The following CDKAL1 variants were observed in gnomAD, a reference collection of about 807,000 sequenced individuals.
CDKAL1 encodes the protein CDKAL1 threonylcarbamoyladenosine tRNA methylthiotransferase.
A neutral mutation model predicts 68.2 loss-of-function variants in CDKAL1; 32 were observed. The observed-to-expected ratio is 0.47, with a 90% CI of 0.35 to 0.63. The LOEUF (loss-of-function observed/expected upper bound fraction) is 0.63. Ranked by LOEUF, CDKAL1 falls within the 30% of genes least tolerant of loss-of-function variation. The pLI, the probability that CDKAL1 is intolerant of heterozygous loss-of-function variation, is 0.00. For missense variants in CDKAL1, 606 were observed against 696.7 expected (o/e 0.87, Z 1.47); for synonymous variants, 234 against 244.3 (o/e 0.96, Z 0.39).
In CDKAL1 at chr6:20,539,113, C is replaced by A. The variant is rs1387668563; in HGVS notation, c.-6+3719C>A. On this transcript the variant is annotated intron_variant, in intron 2 of 15. Transcript: ENST00000274695. This position sits in a 1 kb window ranked among gnomAD's most constrained non-coding sequence, Gnocchi z 4.3. ...TTAGATAAGGTAGTAGGAAAGGCCTCTCCGAGGAGATGTTGTTTGAGTGAA... is the reference window on the plus strand; with the variant it reads ...TTAGATAAGGTAGTAGGAAAGGCCTATCCGAGGAGATGTTGTTTGAGTGAA... Among the ~76,000 whole-genome samples, 1 of 152,162 alleles carries A rather than the reference C, an allele frequency of 6.6e-6. No homozygotes were observed. Among genetic ancestry groups the A allele is most frequent in the East Asian group, 1.9e-4 (1 of 5,202 alleles).
intron 5 of CDKAL1, among the ~76,000 whole-genome samples, 191 bp from the exon 6 acceptor site, chr6:20,739,328 C>A (rs917958658): frequency 6.6e-6 from 1 of 152,082 alleles, no homozygotes; most frequent in Non-Finnish European, 1.5e-5. Context: ...CTGTTGTGTT[C>A]TTTAATGCTG....
At chr6:21,115,643 G>A (rs1774367230) in intron 13 of CDKAL1, among the ~76,000 whole-genome samples, 1 of 152,282 alleles carries the variant, frequency 6.6e-6, no homozygotes, top group African/African-American at 2.4e-5. Context: ...TAAATATCAG[G>A]AACAATTGAA....
At chr6:20,762,798 C>T (rs916088961) in intron 7 of CDKAL1, among the ~76,000 whole-genome samples, 1 of 152,178 alleles carries the variant, frequency 6.6e-6, no homozygotes, top group African/African-American at 2.4e-5. Flanking sequence ...CAGTGACTCT[C>T]CTTTCAATCT....
At chr6:20,720,145 T>C (rs939331222) in intron 5 of CDKAL1, among the ~76,000 whole-genome samples, 1 of 152,162 alleles carries the variant, frequency 6.6e-6, no homozygotes, top group Non-Finnish European at 1.5e-5. Flanking sequence ...GTTACTGGTC[T>C]TCTTGATGTG....
intron 11 of CDKAL1, among the ~76,000 whole-genome samples, chr6:21,041,737 T>C (rs1028961322): frequency 3.9e-5 from 6 of 152,112 alleles, no homozygotes; most frequent in Non-Finnish European, 8.8e-5. Flanking sequence ...TTTTGATGAA[T>C]AGGGACTTAA....
At chr6:21,099,536 C>T (rs1279785953) in intron 12 of CDKAL1, among the ~76,000 whole-genome samples, 1 of 151,986 alleles carries the variant, frequency 6.6e-6, no homozygotes, top group African/African-American at 2.4e-5. Context: ...CCATTGATTT[C>T]GAGGGTGAAG....
At chr6:20,752,243 T>TTC (rs1773956357) in intron 6 of CDKAL1, among the ~76,000 whole-genome samples, 2 of 152,026 alleles carry the variant, frequency 1.3e-5, no homozygotes, top group African/African-American at 4.8e-5. Flanking sequence ...CTTACATTTT[T>TTC]TTTTTAAATT....
chr6:20,821,771 A>C (rs1276116381), intron 8 of CDKAL1, among the ~76,000 whole-genome samples: 1 of 152,144 alleles, frequency 6.6e-6, no homozygotes, highest in Non-Finnish European at 1.5e-5. Flanking sequence ...GTTCTTGTCC[A>C]TTTCTGGAAG....
At chr6:20,629,135 C>G (rs1050194928) in intron 4 of CDKAL1, among the ~76,000 whole-genome samples, 69 of 152,314 alleles carry the variant, frequency 4.5e-4, no homozygotes, top group Non-Finnish European at 1.5e-4. Context: ...GTTTCTCTCT[C>G]TTTACTTGCC....
intron 6 of CDKAL1, among the ~76,000 whole-genome samples, chr6:20,740,128 A>G (rs756811036): frequency 5.3e-5 from 8 of 152,240 alleles, no homozygotes; most frequent in Non-Finnish European, 1.0e-4. Context: ...TACCTGTCGT[A>G]TAATTCTTTG....
At chr6:21,214,496 G>A (rs1181181416) in intron 15 of CDKAL1, among the ~76,000 whole-genome samples, 3 of 151,792 alleles carry the variant, frequency 2.0e-5, no homozygotes, top group Admixed American at 2.0e-4. Flanking sequence ...AACACACGAG[G>A]TCTGCTCCCT....
intron 13 of CDKAL1, among the ~76,000 whole-genome samples, chr6:21,125,272 C>T (rs1774940742): frequency 6.6e-6 from 1 of 152,170 alleles, no homozygotes; most frequent in Non-Finnish European, 1.5e-5. Context: ...CATTCATTCT[C>T]CTTCCTAGCG....
intron 5 of CDKAL1, among the ~76,000 whole-genome samples, chr6:20,693,631 A>G (rs1770972088): frequency 6.6e-6 from 1 of 152,238 alleles, no homozygotes; most frequent in South Asian, 2.1e-4. Flanking sequence ...AGCACTGCAC[A>G]CAGCAGCAGC....
chr6:20,617,019 G>A (rs569422385), intron 4 of CDKAL1, among the ~76,000 whole-genome samples: 1 of 146,362 alleles, frequency 6.8e-6, no homozygotes, highest in Non-Finnish European at 1.5e-5. Context: ...CAGGCTGGGT[G>A]AGTGAAACCT....
intron 12 of CDKAL1, among the ~76,000 whole-genome samples, chr6:21,075,917 T>A (rs560863936): frequency 6.6e-6 from 1 of 152,302 alleles, no homozygotes; most frequent in East Asian, 1.9e-4. Context: ...AAAAAAACAA[T>A]TAGATGGCAA....
At chr6:21,129,627 A>G (rs1011264347) in intron 13 of CDKAL1, among the ~76,000 whole-genome samples, 4 of 140,638 alleles carry the variant, frequency 2.8e-5, no homozygotes, top group Middle Eastern at 4.0e-3. Context: ...CCAGCCATCC[A>G]CTTATATAAA....
At chr6:20,702,799 C>T (rs2127819109) in intron 5 of CDKAL1, among the ~76,000 whole-genome samples, 1 of 152,266 alleles carries the variant, frequency 6.6e-6, no homozygotes, top group East Asian at 1.9e-4. Context: ...GATGTGAAGG[C>T]AGGAGTGCCT....
intron 13 of CDKAL1, among the ~76,000 whole-genome samples, chr6:21,113,716 G>C (rs942445274): frequency 2.0e-5 from 3 of 151,180 alleles, no homozygotes; most frequent in African/African-American, 7.3e-5. Flanking sequence ...TGATCCACCC[G>C]CCTCAGCCTC....
rs765973787 is a variant in CDKAL1 at position 20,546,329 on chromosome 6, T to C, written c.-5-17T>C. On this transcript the variant is annotated splice_polypyrimidine_tract_variant and intron_variant, in intron 2 of 15. Coordinates refer to ENST00000274695, the MANE Select transcript of CDKAL1 (RefSeq NM_017774.3). ...GATTTTCATAAGTTGATTTTATTTA[T>C]AACTTTTATGTGGTAGAGAATATGC... The C allele has an allele frequency of 6.4e-7, 1 of 1,559,214 alleles. No individual in the cohort carries two copies. Among genetic ancestry groups the C allele is most frequent in the South Asian group, 1.2e-5 (1 of 84,546 alleles).
Sources: allele counts gnomAD v4.1 joint callset (sites outside exome capture counted in the v4.1 genomes callset), GRCh38; gene constraint gnomAD v4.1.1; non-coding constraint Gnocchi (gnomAD v3.1); transcripts MANE v1.5; gene names NCBI Gene and HGNC (gene_info 2026-07-23, HGNC 2026-07-21).